The following ZNF689 variants were observed in gnomAD, a reference collection of about 807,000 sequenced individuals.
ZNF689 encodes short ORF-encoded histone-binding protein.
In ZNF689, 14 loss-of-function variants were observed where a neutral mutation model predicts 37.2. The observed-to-expected ratio is 0.38, with a 90% CI of 0.25 to 0.59. The LOEUF (loss-of-function observed/expected upper bound fraction) is 0.59, where lower values mean the gene tolerates loss of function less well. Among genes scored for constraint, ZNF689 ranks in the 20% least tolerant of loss-of-function variants. The pLI is 0.68. For synonymous variants in ZNF689, 277 were observed against 283.3 expected (o/e 0.98, Z 0.22); for missense variants, 573 against 700.2 (o/e 0.82, Z 2.05).
chr16:30,604,112 G>T lies in ZNF689; in HGVS notation c.*152C>A, dbSNP rs1384077699. ...GGACTGTTCCAGACACGCACAGGGA[G>T]GCAGCCAGCGCATTGCAAGATACAA... is the stretch of plus-strand genomic sequence containing the variant. On this transcript the variant is annotated 3_prime_UTR_variant, in exon 3 of 3. Coordinates refer to ENST00000287461, the MANE Select transcript of ZNF689 (RefSeq NM_138447.3). The surrounding 1 kb of genome is among the most constrained non-coding windows in gnomAD (Gnocchi z 5.2). 3.5e-6 allele frequency: 3 copies of T among 851,406 alleles called. No individual in the cohort carries two copies. Among genetic ancestry groups the T allele is most frequent in the East Asian group, 2.6e-5 (1 of 37,824 alleles). 52.7% of individuals were successfully genotyped at this position (851,406 alleles called of 1,614,324 possible).
chr16:30,603,629 G>A lies in ZNF689; in HGVS notation c.*635C>T, dbSNP rs2052002427. On this transcript the variant is annotated 3_prime_UTR_variant, in exon 3 of 3. Transcript: ENST00000287461. ...TGACCAAATTCATGCTACTTAACCT[G>A]AAAACTTGGGGGCAAAGTGGTTGTG... 6.4e-6 allele frequency: 1 copy of A among 157,464 alleles called. No homozygotes were observed. The highest frequency in any genetic ancestry group is 2.4e-5 in the African/African-American group (1 of 41,510). The allele number at this position is 157,464 out of a possible 1,614,324, so 9.8% of individuals were successfully genotyped here.
At position 30,604,586 on chromosome 16, in the gene ZNF689, G is replaced by A; in HGVS notation, c.1181C>T (p.Thr394Met). 14 of 1,592,216 alleles carry A rather than the reference G, an allele frequency of 8.8e-6. No individual in the cohort carries two copies. The highest frequency in any genetic ancestry group is 1.2e-5 in the Non-Finnish European group (14 of 1,169,714). Reference protein sequence around the residue: ...RSGSLAIHRSTHTEEKLHACD... With the variant: ...RSGSLAIHRSMHTEEKLHACD... ...GGCGTGCAGCTTCTCCTCTGTGTGC[G>A]TGCTGCGATGGATGGCCAGGGAGCC... is the stretch of plus-strand genomic sequence containing the variant. Residue 394 changes from threonine to methionine, a missense_variant, in exon 3 of 3, where the codon ACG (threonine) becomes ATG (methionine). Around this residue, in one of 3 missense-constraint regions of ZNF689, gnomAD observed 317 missense variants for 367.1 expected, o/e 0.86. Transcript: ENST00000287461. This position sits in a 1 kb window ranked among gnomAD's most constrained non-coding sequence, Gnocchi z 5.2.
Position 30,610,377 on chromosome 16 carries a change from C to A in ZNF689, c.-336G>T. 3.3e-6 allele frequency: 1 copy of A among 305,256 alleles called. No individual in the cohort carries two copies. 18.9% of individuals were successfully genotyped at this position (305,256 alleles called of 1,614,324 possible). On this transcript the variant is annotated 5_prime_UTR_variant, in exon 1 of 3. Transcript: ENST00000287461. Reference sequence around the variant, plus strand: ...GCCGGCTTCCTAACCTCTTTGCCCTCAAGTGTAATGGCGCTGCGATTGGGC... The same window carrying A: ...GCCGGCTTCCTAACCTCTTTGCCCTAAAGTGTAATGGCGCTGCGATTGGGC...
chr16:30,604,255 C>T lies in ZNF689; in HGVS notation c.*9G>A. On this transcript the variant is annotated 3_prime_UTR_variant, in exon 3 of 3. Transcript: ENST00000287461. This position sits in a 1 kb window ranked among gnomAD's most constrained non-coding sequence, Gnocchi z 5.2. Reference sequence around the variant, plus strand: ...TAAAATGAAATGAACGTAGGCAGTCCTTCCCCTTCTAATGGGCGTTGCCCC... The same window carrying T: ...TAAAATGAAATGAACGTAGGCAGTCTTTCCCCTTCTAATGGGCGTTGCCCC... The T allele has an allele frequency of 6.2e-7, 1 of 1,613,970 alleles. No homozygotes were observed. The highest frequency in any genetic ancestry group is 8.5e-7 in the Non-Finnish European group (1 of 1,179,848).
intron 2 of ZNF689, among the ~76,000 whole-genome samples, chr16:30,608,958 G>A (rs1370034577): frequency 2.6e-5 from 4 of 152,150 alleles, no homozygotes; most frequent in Non-Finnish European, 4.4e-5. Flanking sequence ...TATGTCCTTC[G>A]CTGATAAGGG....
rs959705020 is a variant in ZNF689 at position 30,605,585 on chromosome 16, T to C, written c.320-138A>G. ...ACAGACAGCTAAGTGTGACATACTG[T>C]CATGCAAATACGGTGTGCATTACAG... On this transcript the variant is annotated intron_variant, in intron 2 of 2. Coordinates refer to ENST00000287461, the MANE Select transcript of ZNF689 (RefSeq NM_138447.3). The surrounding 1 kb of genome is among the most constrained non-coding windows in gnomAD (Gnocchi z 5.1). 6 of 858,274 alleles carry C rather than the reference T, an allele frequency of 7.0e-6. No individual in the cohort carries two copies. The highest frequency in any genetic ancestry group is 1.1e-5 in the Non-Finnish European group (6 of 564,102). 53.2% of individuals were successfully genotyped at this position (858,274 alleles called of 1,614,324 possible). A position where few individuals can be genotyped will look rare whatever the true frequency, so the allele number is the denominator to read the frequency against.
intron 1 of ZNF689, 26 bp downstream of exon 1, chr16:30,609,811 G>A (rs1247192319): frequency 3.2e-6 from 5 of 1,584,542 alleles, no homozygotes; most frequent in Non-Finnish European, 3.4e-6. Context: ...TTCGCGCCCC[G>A]CGGCAGCGGA....
chr16:30,605,202 G>A lies in ZNF689; in HGVS notation c.565C>T (p.Pro189Ser). ...CPDCGRRFSYPSLLVSHRRAH... is the reference protein window; with the variant it reads ...CPDCGRRFSYSSLLVSHRRAH... Reference sequence around the variant, plus strand: ...CGCCGGTGACTGACCAGCAGGGATGGATAGGAAAAGCGGCGCCCACAGTCT... The same window carrying A: ...CGCCGGTGACTGACCAGCAGGGATGAATAGGAAAAGCGGCGCCCACAGTCT... The change falls in exon 3 of 3, where the codon CCA (proline) becomes TCA (serine). Residue 189 changes from proline (P) to serine (S), a missense_variant. Physicochemically the swap from Pro to Ser is moderately conservative, Grantham distance 74. This residue lies in a region of ZNF689 where 252 missense variants were observed against 313.3 expected (regional missense o/e 0.80). Transcript: ENST00000287461. This position sits in a 1 kb window ranked among gnomAD's most constrained non-coding sequence, Gnocchi z 5.1. 9 of 1,614,014 alleles carry A rather than the reference G, an allele frequency of 5.6e-6. No homozygotes were observed. The highest frequency in any genetic ancestry group is 7.6e-6 in the Non-Finnish European group (9 of 1,179,994).
At position 30,604,377 on chromosome 16, in the gene ZNF689, G is replaced by A; in HGVS notation, c.1390C>T (p.Arg464Trp). Residue 464 changes from arginine to tryptophan, a missense_variant, in exon 3 of 3, where the codon CGG becomes TGG. Physicochemically the swap from Arg to Trp is moderately radical, Grantham distance 101 (BLOSUM62 -3). Coordinates refer to ENST00000287461, the MANE Select transcript of ZNF689 (RefSeq NM_138447.3). This position sits in a 1 kb window ranked among gnomAD's most constrained non-coding sequence, Gnocchi z 5.2. ...EKPFPCLECG[R>W]CFRQRWSLAV... ...AGAGACCACCTCTGGCGGAAGCACC[G>A]GCCACACTCGAGGCAGGGGAAAGGC... The A allele has an allele frequency of 1.9e-6, 3 of 1,613,746 alleles. No homozygotes were observed. Among genetic ancestry groups the A allele is most frequent in the Non-Finnish European group, 1.7e-6 (2 of 1,179,898 alleles).
In ZNF689 at chr16:30,605,895, T is replaced by G. The variant is rs1567528105; in HGVS notation, c.320-448A>C. 6.8e-6 allele frequency among the ~76,000 whole-genome samples: 1 copy of G among 146,862 alleles called. No individual in the cohort carries two copies. The highest frequency in any genetic ancestry group is 1.5e-5 in the Non-Finnish European group (1 of 67,402). On this transcript the variant is annotated intron_variant, in intron 2 of 2. Transcript: ENST00000287461. This position sits in a 1 kb window ranked among gnomAD's most constrained non-coding sequence, Gnocchi z 5.1. ...ATCGCCCGGGAGGCAGAGGTTGCAG[T>G]GAGCCGAGATTGTGCCACTGCACTC...
At chr16:30,608,765 A>T (rs538500433) in intron 2 of ZNF689, among the ~76,000 whole-genome samples, 1 of 152,218 alleles carries the variant, frequency 6.6e-6, no homozygotes, top group Non-Finnish European at 1.5e-5. Flanking sequence ...AAATTAACTG[A>T]AAAGTTTTAA....
At position 30,610,371 on chromosome 16, in the gene ZNF689, T is replaced by G; in HGVS notation, c.-330A>C. On this transcript the variant is annotated 5_prime_UTR_variant, in exon 1 of 3. Coordinates refer to ENST00000287461, the MANE Select transcript of ZNF689 (RefSeq NM_138447.3). Reference sequence around the variant, plus strand: ...CGCCATGCCGGCTTCCTAACCTCTTTGCCCTCAAGTGTAATGGCGCTGCGA... The same window carrying G: ...CGCCATGCCGGCTTCCTAACCTCTTGGCCCTCAAGTGTAATGGCGCTGCGA... 3.2e-6 allele frequency: 1 copy of G among 311,318 alleles called. No individual in the cohort carries two copies. The highest frequency in any genetic ancestry group is 6.0e-6 in the Non-Finnish European group (1 of 166,992). 19.3% of individuals were successfully genotyped at this position (311,318 alleles called of 1,614,324 possible).
At chr16:30,609,380 A>C (rs2052069483) in intron 2 of ZNF689, 145 bp downstream of exon 2, 3 of 625,008 alleles carry the variant, frequency 4.8e-6, no homozygotes, top group Non-Finnish European at 2.8e-6. Flanking sequence ...GACCGGCCCC[A>C]CACCACCAGA....
chr16:30,609,925 G>A lies in ZNF689; in HGVS notation c.117C>T (p.Ser39=), dbSNP rs780645639. The A allele has an allele frequency of 1.9e-6, 3 of 1,612,782 alleles. No homozygotes were observed. The highest frequency in any genetic ancestry group is 2.7e-5 in the African/African-American group (2 of 75,030). ...GCCGCAGGCAGCCCCACTCCTCCGG[G>A]GAGAAGTACACGGCCACGTCCACGA... The part of the protein sequence containing the change: ...LKFVDVAVYF[S]PEEWGCLRPA... Residue 39 remains serine (S), a synonymous_variant, in exon 1 of 3, where the codon TCC becomes TCT. Coordinates refer to ENST00000287461, the MANE Select transcript of ZNF689 (RefSeq NM_138447.3).
intron 2 of ZNF689, among the ~76,000 whole-genome samples, chr16:30,606,168 C>T (rs960443227): frequency 8.6e-5 from 13 of 151,896 alleles, no homozygotes; most frequent in Non-Finnish European, 2.9e-5. Flanking sequence ...CCTGGTGGCA[C>T]GCGTGCCTGC....
rs1596584254 is a variant in ZNF689 at position 30,603,902 on chromosome 16, T to C, written c.*362A>G. 1 of 392,376 alleles carries C rather than the reference T, an allele frequency of 2.5e-6. No individual in the cohort carries two copies. The highest frequency in any genetic ancestry group is 6.6e-5 in the East Asian group (1 of 15,056). 24.3% of individuals were successfully genotyped at this position (392,376 alleles called of 1,614,324 possible). A position where few individuals can be genotyped will look rare whatever the true frequency, so the allele number is the denominator to read the frequency against. On this transcript the variant is annotated 3_prime_UTR_variant, in exon 3 of 3. Coordinates refer to ENST00000287461, the MANE Select transcript of ZNF689 (RefSeq NM_138447.3). ...GAGGAAGAGGCAGAGTAGGGGAAGGTCCTGCCCCTATGAGATTCTCCTGAT... is the reference window on the plus strand; with the variant it reads ...GAGGAAGAGGCAGAGTAGGGGAAGGCCCTGCCCCTATGAGATTCTCCTGAT...
At chr16:30,607,440 A>G (rs1391874133) in intron 2 of ZNF689, among the ~76,000 whole-genome samples, 1 of 150,708 alleles carries the variant, frequency 6.6e-6, no homozygotes, top group East Asian at 2.0e-4. Flanking sequence ...AAAATACAAA[A>G]ATTAGCCGTG....
rs1479535859 is a variant in ZNF689, at chr16:30,604,905, G to A, written c.862C>T (p.Pro288Ser). ...CGGTTGCACTCGAGGCAAGTGTAGG[G>A]CTTCTCTCCCGTGTGTGTACGCTGG... ...IHQRTHTGEKPYTCLECNRRF... is the reference protein window; with the variant it reads ...IHQRTHTGEKSYTCLECNRRF... Residue 288 changes from proline to serine, a missense_variant, in exon 3 of 3, where the codon CCC becomes TCC. By Grantham distance (74) the Pro-to-Ser change is moderately conservative. This residue lies in a region of ZNF689 where 317 missense variants were observed against 367.1 expected (regional missense o/e 0.86). Coordinates refer to ENST00000287461, the MANE Select transcript of ZNF689 (RefSeq NM_138447.3). The surrounding 1 kb of genome is among the most constrained non-coding windows in gnomAD (Gnocchi z 5.2). The A allele has an allele frequency of 1.3e-6, 2 of 1,575,818 alleles. No individual in the cohort carries two copies. The highest frequency in any genetic ancestry group is 2.7e-5 in the African/African-American group (2 of 74,234).
intron 2 of ZNF689, among the ~76,000 whole-genome samples, chr16:30,608,008 T>A (rs1016969842): frequency 2.0e-5 from 3 of 152,128 alleles, no homozygotes; most frequent in Non-Finnish European, 2.9e-5. Context: ...ACCTATGAGG[T>A]ATGAGCTAGC....
Sources: gnomAD v4.1 joint callset for allele counts (sites outside exome capture counted in the v4.1 genomes callset) on GRCh38, gnomAD v4.1.1 for gene constraint, gnomAD v4.1.1 regional missense constraint, Gnocchi (gnomAD v3.1) non-coding constraint, MANE v1.5 for transcripts, NCBI Gene and HGNC (gene_info 2026-07-23, HGNC 2026-07-21) for gene names.